ARID4A: variants seen among roughly 807,000 people sequenced by gnomAD.
The protein encoded by ARID4A is AT-rich interactive domain-containing protein 4A.
A neutral mutation model predicts 148.6 loss-of-function variants in ARID4A; 39 were observed. The ratio of observed to expected loss-of-function variants is 0.26; its 90% CI spans 0.20 to 0.34. The LOEUF is 0.34. Among genes scored for constraint, ARID4A ranks in the 10% least tolerant of loss-of-function variants. ARID4A has a pLI of 1.00. For synonymous variants in ARID4A, 475 were observed against 481.2 expected (o/e 0.99, Z 0.17); for missense variants, 1,265 against 1,449.1 (o/e 0.87, Z 2.06).
At chr14:58,337,268 A>ATATATATATATATATAGAT (rs1422819457) in intron 11 of ARID4A, among the ~76,000 whole-genome samples, 1 of 133,928 alleles carries the variant, frequency 7.5e-6, no homozygotes, top group East Asian at 2.1e-4. Flanking sequence ...ATATATATAT[A>ATATATATATATATATAGAT]ATTAAAACCG....
intron 11 of ARID4A, 146 bp downstream of exon 11, chr14:58,330,315 C>G: frequency 2.7e-6 from 3 of 1,118,948 alleles, no homozygotes; most frequent in Non-Finnish European, 3.7e-6. Flanking sequence ...GTTGAGGAAG[C>G]ATTTTGGCTC....
chr14:58,364,982 G>A lies in ARID4A; in HGVS notation c.2893G>A (p.Asp965Asn). Residue 965 changes from aspartate to asparagine, a missense_variant, in exon 20 of 24, where the codon GAT becomes AAT. Coordinates refer to ENST00000355431, the MANE Select transcript of ARID4A (RefSeq NM_002892.4). Reference protein sequence around the residue: ...ETLVCHEVDLDDLDEKDKTSI... With the variant: ...ETLVCHEVDLNDLDEKDKTSI... ...CTTGGTTTGCCATGAAGTAGATTTG[G>A]ATGATTTGGATGAAAAGGATAAGAC... 6.2e-7 allele frequency: 1 copy of A among 1,614,048 alleles called. No individual in the cohort carries two copies. Among genetic ancestry groups the A allele is most frequent in the Non-Finnish European group, 8.5e-7 (1 of 1,179,994 alleles).
At chr14:58,367,640 A>C (rs181445685) in intron 23 of ARID4A, among the ~76,000 whole-genome samples, 75 of 152,340 alleles carry the variant, frequency 4.9e-4, no homozygotes, top group African/African-American at 1.8e-3. Context: ...GAGTAGTCAG[A>C]GAGAGGGAGT....
intron 11 of ARID4A, among the ~76,000 whole-genome samples, chr14:58,333,570 A>G (rs182074069): frequency 6.6e-6 from 1 of 152,226 alleles, no homozygotes; most frequent in African/African-American, 2.4e-5. Flanking sequence ...TGAATTTTTA[A>G]ATAACTACTG....
intron 5 of ARID4A, among the ~76,000 whole-genome samples, chr14:58,316,266 AC>A (rs1172045384): frequency 1.3e-5 from 2 of 152,208 alleles, no homozygotes; most frequent in African/African-American, 4.8e-5. Flanking sequence ...GAAAATTAGT[AC>A]TAAATCTTGA....
Position 58,323,580 on chromosome 14 carries a change from T to C in ARID4A, c.545T>C (p.Val182Ala), listed in dbSNP as rs755274345. The C allele has an allele frequency of 6.2e-7, 1 of 1,614,130 alleles. No homozygotes were observed. The highest frequency in any genetic ancestry group is 8.5e-7 in the Non-Finnish European group (1 of 1,179,996). ...DELLGKVVSVVSATERTEWYP... is the reference protein window; with the variant it reads ...DELLGKVVSVASATERTEWYP... ...TTACTAGGAAAAGTTGTAAGTGTGG[T>C]GTCTGCAACGGAGAGGACTGAATGG... The change falls in exon 8 of 24, where the codon GTG becomes GCG. Residue 182 changes from valine (V) to alanine (A), a missense_variant. Physicochemically the swap from Val to Ala is moderately conservative, Grantham distance 64. This residue lies in a region of ARID4A where 249 missense variants were observed against 277.2 expected (regional missense o/e 0.90). Transcript: ENST00000355431.
intron 3 of ARID4A, among the ~76,000 whole-genome samples, chr14:58,304,053 A>T (rs2140133352): frequency 6.6e-6 from 1 of 151,478 alleles, no homozygotes; most frequent in East Asian, 1.9e-4. Flanking sequence ...GAAGGTTGAG[A>T]CCCTGCCTAA....
At chr14:58,322,551 G>A (rs896632177) in intron 7 of ARID4A, among the ~76,000 whole-genome samples, 1 of 152,058 alleles carries the variant, frequency 6.6e-6, no homozygotes, top group African/African-American at 2.4e-5. Flanking sequence ...AAGAAAAAAA[G>A]GACTAAAACC....
At chr14:58,318,056 T>C (rs1341940830) in intron 5 of ARID4A, among the ~76,000 whole-genome samples, 1 of 152,182 alleles carries the variant, frequency 6.6e-6, no homozygotes, top group African/African-American at 2.4e-5. Flanking sequence ...CTTTAGAATT[T>C]GGCAGCTGGT....
chr14:58,354,991 C>G (rs1442364211), intron 17 of ARID4A, among the ~76,000 whole-genome samples: 1 of 152,188 alleles, frequency 6.6e-6, no homozygotes, highest in Non-Finnish European at 1.5e-5. Flanking sequence ...GATGTTGATG[C>G]TCTTTGAAAT....
intron 3 of ARID4A, among the ~76,000 whole-genome samples, chr14:58,302,463 C>T (rs1378089212): frequency 2.0e-5 from 3 of 152,036 alleles, no homozygotes; most frequent in Non-Finnish European, 2.9e-5. Flanking sequence ...CGTTGCACTC[C>T]AGCCTGGGTA....
intron 23 of ARID4A, among the ~76,000 whole-genome samples, chr14:58,369,730 TACTAGAA>T (rs2035524304): frequency 6.6e-6 from 1 of 152,128 alleles, no homozygotes; most frequent in South Asian, 2.1e-4. Context: ...TCAATGGTAG[TACTAGAA>T]ACTAGAAGCC....
chr14:58,363,643 C>T (rs934442476), intron 19 of ARID4A, among the ~76,000 whole-genome samples: 3 of 151,988 alleles, frequency 2.0e-5, no homozygotes, highest in Non-Finnish European at 2.9e-5. Context: ...TTGCAGTGAG[C>T]TGAGATCACG....
chr14:58,365,865 G>T (rs1197775434), intron 21 of ARID4A, among the ~76,000 whole-genome samples, 159 bp from the exon 22 acceptor site: 1 of 151,778 alleles, frequency 6.6e-6, no homozygotes, highest in Non-Finnish European at 1.5e-5. Flanking sequence ...GAGCATTTAG[G>T]TTTTTTTGTT....
At chr14:58,301,559 G>A in intron 2 of ARID4A, 21 bp from the exon 3 acceptor site, 1 of 1,587,904 alleles carries the variant, frequency 6.3e-7, no homozygotes, top group South Asian at 1.1e-5. Flanking sequence ...GACATTCACA[G>A]TTTTATGTTC....
intron 16 of ARID4A, 108 bp downstream of exon 16, chr14:58,351,431 C>T (rs2034634748): frequency 7.1e-7 from 1 of 1,403,156 alleles, no homozygotes; most frequent in South Asian, 1.4e-5. Flanking sequence ...ATTGGGACTT[C>T]CGTTCCTCTT....
At chr14:58,325,876 A>T (rs976542204) in intron 8 of ARID4A, among the ~76,000 whole-genome samples, 1 of 152,024 alleles carries the variant, frequency 6.6e-6, no homozygotes, top group Non-Finnish European at 1.5e-5. Context: ...TTAATAACAA[A>T]TTCTTTTATT....
intron 11 of ARID4A, among the ~76,000 whole-genome samples, chr14:58,335,605 G>A (rs912914176): frequency 8.5e-5 from 13 of 152,052 alleles, no homozygotes; most frequent in Non-Finnish European, 1.3e-4. Flanking sequence ...GAGCCACCGT[G>A]CCCGGCCAAG....
At chr14:58,349,093 G>A (rs1181235753) in intron 15 of ARID4A, among the ~76,000 whole-genome samples, 1 of 152,030 alleles carries the variant, frequency 6.6e-6, no homozygotes, top group African/African-American at 2.4e-5. Context: ...TTTTATATAA[G>A]TGAAATCATA....
Sources: gnomAD v4.1 joint callset for allele counts (sites outside exome capture counted in the v4.1 genomes callset) on GRCh38, gnomAD v4.1.1 for gene constraint, gnomAD v4.1.1 regional missense constraint, MANE v1.5 for transcripts, NCBI Gene and HGNC (gene_info 2026-07-23, HGNC 2026-07-21) for gene names.